Variants in TBR1 observed in about 807,000 individuals in gnomAD.
TBR1 encodes the protein T-box brain protein 1.
In TBR1, 7 loss-of-function variants were observed where a neutral mutation model predicts 60.3. The ratio of observed to expected loss-of-function variants is 0.12; its 90% confidence interval spans 0.07 to 0.22. The LOEUF is 0.22. Ranked by LOEUF, TBR1 falls within the 10% of genes least tolerant of loss-of-function variation. The probability of loss-of-function intolerance (pLI) is 1.00; values close to 1 mark genes in which losing one functional copy is unlikely to be tolerated. For synonymous variants in TBR1, 417 were observed against 409.9 expected (o/e 1.02, Z -0.21); for missense variants, 616 against 936.8 (o/e 0.66, Z 4.47).
Position 161,424,304 on chromosome 2 carries a change from C to T in TBR1, c.*77C>T. ...TCACAGCTCTTCCCCAGCTCCGCCT[C>T]CCCACACTCCTCCTTGCGCACCCAC... is the stretch of plus-strand genomic sequence containing the variant. On this transcript the variant is annotated 3_prime_UTR_variant, in exon 6 of 6. Coordinates refer to ENST00000389554, the MANE Select transcript of TBR1 (RefSeq NM_006593.4). The surrounding 1 kb of genome is among the most constrained non-coding windows in gnomAD (Gnocchi z 4.4). The T allele has an allele frequency of 2.1e-6, 3 of 1,408,260 alleles. No individual in the cohort carries two copies. The highest frequency in any genetic ancestry group is 1.4e-5 in the South Asian group (1 of 71,180). The allele number at this position is 1,408,260 out of a possible 1,614,324, so 87.2% of individuals were successfully genotyped here. A position where few individuals can be genotyped will look rare whatever the true frequency, so the allele number is the denominator to read the frequency against.
Position 161,418,709 on chromosome 2 carries a change from G to A in TBR1, c.970-183G>A, listed in dbSNP as rs1362298127. 77 of 804,626 alleles carry A rather than the reference G, an allele frequency of 9.6e-5. 2 individuals are homozygous for A. Among genetic ancestry groups the A allele is most frequent in the South Asian group, 5.2e-4 (26 of 50,234 alleles). 49.8% of individuals were successfully genotyped at this position (804,626 alleles called of 1,614,324 possible). The stretch of plus-strand genomic sequence containing the variant: ...CCGGCTTATCTTCGCTCCCAGAGGT[G>A]CGAAAGCCGGTCTGCCCCAGCCAGC... On this transcript the variant is annotated intron_variant, in intron 3 of 5. Coordinates refer to ENST00000389554, the MANE Select transcript of TBR1 (RefSeq NM_006593.4).
intron 3 of TBR1, 31 bp from the exon 4 acceptor site, chr2:161,418,861 C>T: frequency 1.0e-5 from 16 of 1,597,310 alleles, no homozygotes; most frequent in East Asian, 2.3e-5. Context: ...TAACACGCCA[C>T]CCGGCGCTCC....
In TBR1 at chr2:161,417,656, C is replaced by T; in HGVS notation, c.693-20C>T. 2 of 1,606,468 alleles carry T rather than the reference C, an allele frequency of 1.2e-6. No individual in the cohort carries two copies. The highest frequency in any genetic ancestry group is 2.7e-5 in the African/African-American group (2 of 74,616). ...TTTCTTTTTTCCTTGTTTTCTCCCC[C>T]CACCCCTTAATTTAAATAGGCGCAT... is the stretch of plus-strand genomic sequence containing the variant. On this transcript the variant is annotated intron_variant, in intron 1 of 5. Coordinates refer to ENST00000389554, the MANE Select transcript of TBR1 (RefSeq NM_006593.4). The surrounding 1 kb of genome is among the most constrained non-coding windows in gnomAD (Gnocchi z 5.3).
chr2:161,418,805 C>T, intron 3 of TBR1, 87 bp from the exon 4 acceptor site: 2 of 1,505,358 alleles, frequency 1.3e-6, no homozygotes, highest in East Asian at 2.5e-5. Flanking sequence ...TCCGCCGGCC[C>T]GGGCGCGCAG....
At position 161,416,504 on chromosome 2, in the gene TBR1, C is replaced by A. The variant is rs757264763; in HGVS notation, c.94C>A (p.Leu32Ile). The A allele has an allele frequency of 4.3e-6, 7 of 1,614,128 alleles. No homozygotes were observed. In the East Asian group the frequency reaches 1.6e-4, roughly 36 times the overall value. Residue 32 changes from leucine (L) to isoleucine (I), a missense_variant, in exon 1 of 6, where the codon CTT becomes ATT. Coordinates refer to ENST00000389554, the MANE Select transcript of TBR1 (RefSeq NM_006593.4). This position sits in a 1 kb window ranked among gnomAD's most constrained non-coding sequence, Gnocchi z 6.1. Reference sequence around the variant, plus strand: ...CTACCCACATTCAGGCGGATCCGAGCTTGTCTTGCACGATCATCCCATTAT... The same window carrying A: ...CTACCCACATTCAGGCGGATCCGAGATTGTCTTGCACGATCATCCCATTAT... ...SSYPHSGGSELVLHDHPIIST... is the reference protein window; with the variant it reads ...SSYPHSGGSEIVLHDHPIIST...
At position 161,417,909 on chromosome 2, in the gene TBR1, C is replaced by T. The variant is rs1051430722; in HGVS notation, c.847+79C>T. The T allele has an allele frequency of 6.9e-5, 105 of 1,524,952 alleles. 1 individual carries two copies. The Admixed American group carries it at 2.2e-3, about 32-fold the overall frequency. The allele number at this position is 1,524,952 out of a possible 1,614,324, so 94.5% of individuals were successfully genotyped here. A position where few individuals can be genotyped will look rare whatever the true frequency, so the allele number is the denominator to read the frequency against. ...TAATTAAAGCCTTTGTGGACTGGCT[C>T]GAGCGACTTTTAAAACGATCGGCCA... On this transcript the variant is annotated intron_variant, in intron 2 of 5. Transcript: ENST00000389554. The surrounding 1 kb of genome is among the most constrained non-coding windows in gnomAD (Gnocchi z 5.3).
At chr2:161,418,450 A>G (rs1030796380) in intron 3 of TBR1, 128 bp downstream of exon 3, 1 of 1,308,980 alleles carries the variant, frequency 7.6e-7, no homozygotes, top group African/African-American at 1.5e-5. Context: ...AGACTTAAAA[A>G]TTGTATTTCC....
At chr2:161,418,763 CA>C in intron 3 of TBR1, 128 bp from the exon 4 acceptor site, 1 of 1,286,420 alleles carries the variant, frequency 7.8e-7, no homozygotes, top group Non-Finnish European at 1.1e-6. Flanking sequence ...GTCCCGCGGT[CA>C]GTTAGCCTGG....
At chr2:161,423,034 G>A (rs1684256840) in intron 5 of TBR1, 1 of 246,058 alleles carries the variant, frequency 4.1e-6, no homozygotes. Context: ...GGAGAAGTGG[G>A]ATGAAAGTCC....
chr2:161,418,811 C>T, intron 3 of TBR1, 81 bp from the exon 4 acceptor site: 1 of 1,512,282 alleles, frequency 6.6e-7, no homozygotes, highest in Non-Finnish European at 8.8e-7. Flanking sequence ...GGCCCGGGCG[C>T]GCAGCCGGGC....
chr2:161,424,237 G>C lies in TBR1; in HGVS notation c.*10G>C, dbSNP rs890076. The C allele has an allele frequency of 1.8e-5, 28 of 1,540,430 alleles. No individual in the cohort carries two copies. The highest frequency in any genetic ancestry group is 2.7e-5 in the African/African-American group (2 of 73,280). ...CTACTCGCACAGCTAGGCCGCCCCT[G>C]CCCGCCCGGCCCCGCCGCGGCCCGG... On this transcript the variant is annotated 3_prime_UTR_variant, in exon 6 of 6. Transcript: ENST00000389554. The surrounding 1 kb of genome is among the most constrained non-coding windows in gnomAD (Gnocchi z 4.4).
rs894148466 is a variant in TBR1 at position 161,424,977 on chromosome 2, C to T, written c.*750C>T. 1 of 152,558 alleles carries T rather than the reference C, an allele frequency of 6.6e-6. No individual in the cohort carries two copies. The highest frequency in any genetic ancestry group is 6.5e-5 in the Admixed American group (1 of 15,284). 9.5% of individuals were successfully genotyped at this position (152,558 alleles called of 1,614,324 possible). ...CTCAGTAGTGATGGGTTTCCCACTT[C>T]TCCTCAATCCGTTGCATGAAATAAT... On this transcript the variant is annotated 3_prime_UTR_variant, in exon 6 of 6. Transcript: ENST00000389554. The surrounding 1 kb of genome is among the most constrained non-coding windows in gnomAD (Gnocchi z 4.4).
rs201000535 is a variant in TBR1, at chr2:161,417,137, C to T, written c.692+35C>T. ...CATTTTTGGCTGCCGCTGCTCTAGGCGCAGCCGGGGACAAGTGCACCTAGG... is the reference window on the plus strand; with the variant it reads ...CATTTTTGGCTGCCGCTGCTCTAGGTGCAGCCGGGGACAAGTGCACCTAGG... On this transcript the variant is annotated intron_variant, in intron 1 of 5. Transcript: ENST00000389554. The surrounding 1 kb of genome is among the most constrained non-coding windows in gnomAD (Gnocchi z 5.3). 33 of 1,538,314 alleles carry T rather than the reference C, an allele frequency of 2.1e-5. No homozygotes were observed. The Admixed American group carries it at 2.7e-4, about 13-fold the overall frequency.
rs1251940888 is a variant in TBR1 at position 161,424,157 on chromosome 2, C to G, written c.1979C>G (p.Ala660Gly). ...SSSPLKSEVL[A>G]QRDCEKNCAK... ...TCCCCGCTCAAGAGCGAGGTGCTGG[C>G]CCAGCGGGACTGCGAGAAGAACTGC... The change falls in exon 6 of 6, where the codon GCC (alanine) becomes GGC (glycine). Residue 660 changes from alanine (A) to glycine (G), a missense_variant. By Grantham distance (60) the Ala-to-Gly change is moderately conservative. Transcript: ENST00000389554. The surrounding 1 kb of genome is among the most constrained non-coding windows in gnomAD (Gnocchi z 4.4). The G allele has an allele frequency of 3.1e-6, 5 of 1,613,162 alleles. No homozygotes were observed. In the Middle Eastern group the frequency reaches 6.6e-4, roughly 213 times the overall value.
chr2:161,416,738 T>A lies in TBR1; in HGVS notation c.328T>A (p.Ser110Thr), dbSNP rs1194876541. 1.9e-6 allele frequency: 3 copies of A among 1,614,076 alleles called. No homozygotes were observed. The East Asian group carries it at 6.7e-5, about 36-fold the overall frequency. Residue 110 changes from serine (S) to threonine (T), a missense_variant, in exon 1 of 6, where the codon TCC becomes ACC. Coordinates refer to ENST00000389554, the MANE Select transcript of TBR1 (RefSeq NM_006593.4). The surrounding 1 kb of genome is among the most constrained non-coding windows in gnomAD (Gnocchi z 6.1). ...TGCAGATCGCTACCTCCTCTCTCAG[T>A]CCAGCCAGCCACAGTCTGCGGCCAC... The part of the protein sequence containing the change: ...SAADRYLLSQ[S>T]SQPQSAATAP...
rs370488062 is a variant in TBR1 at position 161,423,460 on chromosome 2, G to T, written c.1282G>T (p.Ala428Ser). The T allele has an allele frequency of 6.8e-6, 11 of 1,606,210 alleles. No homozygotes were observed. The East Asian group carries it at 2.5e-4, about 36-fold the overall frequency. The change falls in exon 6 of 6, where the codon GCC becomes TCC. Residue 428 changes from alanine (A) to serine (S), a missense_variant. By Grantham distance (99) the Ala-to-Ser change is moderately conservative (BLOSUM62 1). Coordinates refer to ENST00000389554, the MANE Select transcript of TBR1 (RefSeq NM_006593.4). ...CGTGCCCGGGGCCCGCTACGCCATG[G>T]CCGGCTCTTTCCTGCAGGACCAGTT... ...QIVPGARYAM[A>S]GSFLQDQFVS...
intron 5 of TBR1, chr2:161,422,528 G>A (rs1381532045): frequency 6.6e-6 from 1 of 152,246 alleles, no homozygotes; most frequent in African/African-American, 2.4e-5. Flanking sequence ...CCATTGCATG[G>A]AGTAGGCTGA....
intron 2 of TBR1, 31 bp from the exon 3 acceptor site, chr2:161,418,170 G>C: frequency 6.3e-7 from 1 of 1,599,866 alleles, no homozygotes; most frequent in Non-Finnish European, 8.5e-7. Flanking sequence ...AGTGCCAGGG[G>C]CATATGTAAA....
In TBR1 at chr2:161,424,116, C is replaced by G. The variant is rs767327232; in HGVS notation, c.1938C>G (p.Pro646=). ...GGCGGATCTCGCCGGCCGACACGCC[C>G]GTGTCCGAGAGTTCGTCCCCGCTCA... is the stretch of plus-strand genomic sequence containing the variant. ...KRRRISPADT[P]VSESSSPLKS... Residue 646 remains proline (P), a synonymous_variant, in exon 6 of 6, where the codon CCC becomes CCG. Coordinates refer to ENST00000389554, the MANE Select transcript of TBR1 (RefSeq NM_006593.4). This position sits in a 1 kb window ranked among gnomAD's most constrained non-coding sequence, Gnocchi z 4.4. 5 of 1,612,496 alleles carry G rather than the reference C, an allele frequency of 3.1e-6. No homozygotes were observed. Among genetic ancestry groups the G allele is most frequent in the Non-Finnish European group, 4.2e-6 (5 of 1,179,526 alleles).
Sources: gnomAD v4.1 joint callset for allele counts on GRCh38, gnomAD v4.1.1 for gene constraint, Gnocchi (gnomAD v3.1) non-coding constraint, MANE v1.5 for transcripts, NCBI Gene and HGNC (gene_info 2026-07-23, HGNC 2026-07-21) for gene names.